The following PCDHA5 variants were observed in gnomAD, a reference collection of about 807,000 sequenced individuals.
PCDHA5 encodes protocadherin alpha 5.
In PCDHA5, 43 loss-of-function variants were observed where a neutral mutation model predicts 61.6. That is an observed-to-expected ratio of 0.70 (90% confidence interval 0.55 to 0.90). The LOEUF (loss-of-function observed/expected upper bound fraction) is 0.90, where lower values mean the gene tolerates loss of function less well. Among genes scored for constraint, PCDHA5 ranks in the 40% least tolerant of loss-of-function variants. The pLI, the probability that PCDHA5 is intolerant of heterozygous loss-of-function variation, is 0.00. For missense variants in PCDHA5, 1,298 were observed against 1,222.7 expected, an observed-to-expected ratio of 1.06 and a Z score of -0.92; for synonymous variants, 627 against 543.9, an observed-to-expected ratio of 1.15 and a Z score of -2.13.
intron 3 of PCDHA5, among the ~76,000 whole-genome samples, chr5:140,994,938 C>T (rs2097656507): frequency 6.6e-6 from 1 of 152,232 alleles, no homozygotes; most frequent in East Asian, 1.9e-4. Context: ...CCTTAAACAT[C>T]CTGCTAAATA....
rs2150130846 is a variant in PCDHA5 at position 140,823,962 on chromosome 5, C to G, written c.2187C>G (p.Ala729=). 3.7e-6 allele frequency: 6 copies of G among 1,613,908 alleles called. No homozygotes were observed. Among genetic ancestry groups the G allele is most frequent in the East Asian group, 2.2e-5 (1 of 44,878 alleles). ...GGTGCTCGGCGCAGCCCACCGAGGC[C>G]GTGTGCACACGGGGCAAGCCCACTC... is the stretch of plus-strand genomic sequence containing the variant. The part of the protein sequence containing the change: ...ALRCSAQPTE[A]VCTRGKPTLL... Residue 729 remains alanine (A), a synonymous_variant, in exon 1 of 4, where the codon GCC becomes GCG. Transcript: ENST00000529859.
In PCDHA5 at chr5:140,846,477, T is replaced by C. The variant is rs1780501842; in HGVS notation, c.2352+22350T>C. ...GCAACCTCTGCCTCCCGGGTTCAAA[T>C]GATTCTCCTTCCTCAGCCTCCCAAG... is the stretch of plus-strand genomic sequence containing the variant. On this transcript the variant is annotated intron_variant, in intron 1 of 3. Coordinates refer to ENST00000529859, the MANE Select transcript of PCDHA5 (RefSeq NM_018908.3). Among the ~76,000 whole-genome samples the C allele has an allele frequency of 1.4e-5, 2 of 143,268 alleles. 1 individual carries two copies. Among genetic ancestry groups the C allele is most frequent in the Non-Finnish European group, 3.1e-5 (2 of 65,332 alleles). 94.0% of individuals were successfully genotyped at this position (143,268 alleles called of 152,430 possible).
intron 1 of PCDHA5, among the ~76,000 whole-genome samples, chr5:140,911,201 C>G: frequency 6.6e-6 from 1 of 152,110 alleles, no homozygotes; most frequent in Non-Finnish European, 1.5e-5. Context: ...GACATGTTGC[C>G]ACTACTGGGG....
intron 3 of PCDHA5, among the ~76,000 whole-genome samples, chr5:141,008,259 T>G (rs986818585): frequency 3.3e-5 from 5 of 152,202 alleles, no homozygotes; most frequent in Non-Finnish European, 7.3e-5. Context: ...TAGAGGAGAC[T>G]GAGAAGTAAT....
chr5:140,925,106 G>GAA (rs1554202543), intron 1 of PCDHA5, among the ~76,000 whole-genome samples: 1 of 151,098 alleles, frequency 6.6e-6, no homozygotes, highest in African/African-American at 2.4e-5. Flanking sequence ...AGGAAGGAAG[G>GAA]AGGGAAGGAA....
chr5:141,010,432 C>CA lies in PCDHA5; in HGVS notation c.*498dup. ...AATTGGTACAAGGAAGGCAAGAAAA[C>CA]AAAGACAAATAAACAGCGGAAGTTA... On this transcript the variant is annotated 3_prime_UTR_variant, in exon 4 of 4. Transcript: ENST00000529859. 2.8e-6 allele frequency: 3 copies of CA among 1,056,970 alleles called. No homozygotes were observed. The highest frequency in any genetic ancestry group is 4.0e-6 in the Non-Finnish European group (3 of 756,282). The allele number at this position is 1,056,970 out of a possible 1,614,324, so 65.5% of individuals were successfully genotyped here.
rs1209791227 is a variant in PCDHA5, at chr5:140,923,921, C to A, written c.2353-55028C>A. Among the ~76,000 whole-genome samples, 3 of 152,180 alleles carry A rather than the reference C, an allele frequency of 2.0e-5. No individual in the cohort carries two copies. The East Asian group carries it at 5.8e-4, about 29-fold the overall frequency. On this transcript the variant is annotated intron_variant, in intron 1 of 3. Transcript: ENST00000529859. ...TTCTGTGAAGATTTCCCATACTGTT[C>A]TCTGTATGCATTTTTCCTTTTTTCC...
rs140107313 is a variant in PCDHA5 at position 140,823,051 on chromosome 5, G to T, written c.1276G>T (p.Ala426Ser). The change falls in exon 1 of 4, where the codon GCG becomes TCG. Residue 426 changes from alanine (A) to serine (S), a missense_variant. Ala to Ser is a moderately conservative substitution (Grantham distance 99, BLOSUM62 1). Coordinates refer to ENST00000529859, the MANE Select transcript of PCDHA5 (RefSeq NM_018908.3). Reference sequence around the variant, plus strand: ...GTCGGTCTATGAGCTGGTGGTGACCGCGCGGGACGGGGGCTCGCCTTCGCT... The same window carrying T: ...GTCGGTCTATGAGCTGGTGGTGACCTCGCGGGACGGGGGCTCGCCTTCGCT... ...SVSVYELVVT[A>S]RDGGSPSLWA... 1,088 of 1,614,186 alleles carry T rather than the reference G, an allele frequency of 6.7e-4. 7 individuals are homozygous for T. In the African/African-American group the frequency reaches 0.013, roughly 19 times the overall value.
intron 1 of PCDHA5, among the ~76,000 whole-genome samples, chr5:140,971,214 C>T (rs1285730991): frequency 6.6e-6 from 1 of 152,172 alleles, no homozygotes; most frequent in African/African-American, 2.4e-5. Flanking sequence ...GTTACCCTCC[C>T]TCTCCTGACT....
intron 3 of PCDHA5, 100 bp from the exon 4 acceptor site, chr5:141,009,527 G>A: frequency 6.6e-7 from 1 of 1,507,930 alleles, no homozygotes; most frequent in South Asian, 1.4e-5. Context: ...TTTCTGGGGA[G>A]GTTCAGCCTG....
chr5:140,969,283 T>A, intron 1 of PCDHA5: 61 of 1,614,200 alleles, frequency 3.8e-5, no homozygotes, highest in Non-Finnish European at 5.2e-5. Flanking sequence ...GTGGTCAGAA[T>A]GCTGGGAACC....
chr5:140,853,533 T>C (rs2042784288), intron 1 of PCDHA5: 2 of 979,954 alleles, frequency 2.0e-6, no homozygotes, highest in African/African-American at 3.5e-5. Context: ...TATGTCTCTT[T>C]TCAAGTTGTA....
chr5:140,851,337 C>G, intron 1 of PCDHA5: 5 of 979,030 alleles, frequency 5.1e-6, no homozygotes, highest in Non-Finnish European at 6.2e-6. Flanking sequence ...TAGTTCTCTA[C>G]ATTTCTCTGG....
intron 3 of PCDHA5, among the ~76,000 whole-genome samples, chr5:140,999,088 G>A (rs1429141341): frequency 1.3e-5 from 2 of 152,274 alleles, no homozygotes; most frequent in African/African-American, 4.8e-5. Flanking sequence ...TCCTTCAGAG[G>A]GCTATGGAGA....
chr5:140,853,667 G>A lies in PCDHA5; in HGVS notation c.2352+29540G>A, dbSNP rs965344983. 2.4e-5 allele frequency: 24 copies of A among 988,242 alleles called. 2 individuals carry two copies. The highest frequency in any genetic ancestry group is 7.1e-5 in the African/African-American group (4 of 56,544). 61.2% of individuals were successfully genotyped at this position (988,242 alleles called of 1,614,324 possible). On this transcript the variant is annotated intron_variant, in intron 1 of 3. Transcript: ENST00000529859. ...TTGAGCCTGTTCCAGACAAATTGGG[G>A]CCTATGGTCAACCTATCCTTAGACC...
chr5:140,937,493 C>T (rs1158473278), intron 1 of PCDHA5, among the ~76,000 whole-genome samples: 3 of 152,020 alleles, frequency 2.0e-5, no homozygotes, highest in Non-Finnish European at 2.9e-5. Flanking sequence ...GGCACATACC[C>T]GTAATCCCAG....
intron 1 of PCDHA5, chr5:140,849,905 G>C: frequency 6.3e-7 from 1 of 1,598,320 alleles, no homozygotes; most frequent in Non-Finnish European, 8.6e-7. Flanking sequence ...ACAACCCGCC[G>C]GGCTGCCACA....
chr5:140,876,850 T>A, intron 1 of PCDHA5: 1 of 1,614,012 alleles, frequency 6.2e-7, no homozygotes, highest in Non-Finnish European at 8.5e-7. Flanking sequence ...GCAGCCCGAG[T>A]ACACAGTGTT....
Position 140,823,638 on chromosome 5 carries a change from C to T in PCDHA5, c.1863C>T (p.Phe621=), listed in dbSNP as rs2150127747. Residue 621 remains phenylalanine, a synonymous_variant, in exon 1 of 4, where the codon TTC becomes TTT. Coordinates refer to ENST00000529859, the MANE Select transcript of PCDHA5 (RefSeq NM_018908.3). ...CGCCTGGCAGTGCGCGCATCCCGTT[C>T]CGCGTGGGGCTGTACACAGGCGAGA... is the stretch of plus-strand genomic sequence containing the variant. The part of the protein sequence containing the change: ...QPAPGSARIP[F]RVGLYTGEIS... The T allele has an allele frequency of 8.7e-6, 14 of 1,613,898 alleles. No individual in the cohort carries two copies. Among genetic ancestry groups the T allele is most frequent in the African/African-American group, 2.7e-5 (2 of 74,926 alleles).
Sources: gnomAD v4.1 joint callset for allele counts (sites outside exome capture counted in the v4.1 genomes callset) on GRCh38, gnomAD v4.1.1 for gene constraint, MANE v1.5 for transcripts, NCBI Gene and HGNC (gene_info 2026-07-23, HGNC 2026-07-21) for gene names.